GSG1L: variants seen among roughly 807,000 people sequenced by gnomAD.
GSG1L encodes germ cell-specific gene 1-like protein.
A neutral mutation model predicts 42.1 loss-of-function variants in GSG1L; 24 were observed. The observed-to-expected ratio is 0.57, with a 90% CI of 0.41 to 0.80. The LOEUF (loss-of-function observed/expected upper bound fraction) is 0.80, where lower values mean the gene tolerates loss of function less well. GSG1L is among the 30% of genes least tolerant of loss of function. The probability of loss-of-function intolerance (pLI) is 0.00; values close to 1 mark genes in which losing one functional copy is unlikely to be tolerated. For missense variants in GSG1L, 445 were observed against 472.2 expected (o/e 0.94, Z 0.53); for synonymous variants, 215 against 203.5 (o/e 1.06, Z -0.48).
chr16:28,011,612 A>C (rs1355586781), intron 1 of GSG1L, among the ~76,000 whole-genome samples: 2 of 152,128 alleles, frequency 1.3e-5, no homozygotes, highest in Non-Finnish European at 2.9e-5. Flanking sequence ...CTGATGTTTC[A>C]AGTTTGAAGT....
At chr16:28,000,771 T>C in intron 1 of GSG1L, among the ~76,000 whole-genome samples, 1 of 152,072 alleles carries the variant, frequency 6.6e-6, no homozygotes, top group Admixed American at 6.5e-5. Context: ...CCTGGATACA[T>C]CTCTCCTCTC....
At chr16:27,852,513 G>A (rs1290082539) in intron 3 of GSG1L, among the ~76,000 whole-genome samples, 2 of 152,028 alleles carry the variant, frequency 1.3e-5, no homozygotes, top group African/African-American at 4.8e-5. Flanking sequence ...TGATATAGCA[G>A]CTGAGAGTGG....
chr16:27,937,675 A>G (rs1188820858), intron 2 of GSG1L, among the ~76,000 whole-genome samples: 1 of 152,170 alleles, frequency 6.6e-6, no homozygotes, highest in Non-Finnish European at 1.5e-5. Flanking sequence ...AGTCCTTGGC[A>G]CCATCGTTGA....
At chr16:27,996,377 C>G (rs1270545489) in intron 1 of GSG1L, among the ~76,000 whole-genome samples, 1 of 152,160 alleles carries the variant, frequency 6.6e-6, no homozygotes, top group Non-Finnish European at 1.5e-5. Flanking sequence ...CAAAATTACA[C>G]AAGGTCAAGA....
chr16:27,892,397 A>G (rs1596591825), intron 2 of GSG1L, among the ~76,000 whole-genome samples: 1 of 152,178 alleles, frequency 6.6e-6, no homozygotes, highest in East Asian at 1.9e-4. Flanking sequence ...TTGCGGCTGC[A>G]ATTAGCTACG....
chr16:27,956,344 G>C (rs906784204), intron 2 of GSG1L, among the ~76,000 whole-genome samples: 2 of 152,200 alleles, frequency 1.3e-5, no homozygotes, highest in African/African-American at 4.8e-5. Flanking sequence ...TCCTGACAAT[G>C]ACCAGAGGAG....
At chr16:27,826,390 T>C (rs1261443360) in intron 5 of GSG1L, among the ~76,000 whole-genome samples, 11 of 152,174 alleles carry the variant, frequency 7.2e-5, no homozygotes, top group Non-Finnish European at 5.9e-5. Context: ...GTCCCCTTCC[T>C]CGTCCTCGTC....
At chr16:27,844,084 T>C (rs997144025) in intron 4 of GSG1L, among the ~76,000 whole-genome samples, 6 of 152,170 alleles carry the variant, frequency 3.9e-5, no homozygotes, top group Non-Finnish European at 5.9e-5. Flanking sequence ...AACAAACGTG[T>C]CCTGAAGTCC....
intron 2 of GSG1L, among the ~76,000 whole-genome samples, chr16:27,925,474 A>G (rs1179419892): frequency 6.6e-6 from 1 of 152,168 alleles, no homozygotes; most frequent in Non-Finnish European, 1.5e-5. Context: ...AAGAGTCTTG[A>G]CCCAGAATGT....
chr16:27,921,014 C>G (rs546082491), intron 2 of GSG1L, among the ~76,000 whole-genome samples: 1 of 152,150 alleles, frequency 6.6e-6, no homozygotes, highest in Non-Finnish European at 1.5e-5. Flanking sequence ...AGCCGAGGTC[C>G]CTACCCATTC....
At chr16:27,791,600 C>A (rs998603501) in intron 6 of GSG1L, 133 bp from the exon 7 acceptor site, 5 of 505,690 alleles carry the variant, frequency 9.9e-6, no homozygotes, top group Non-Finnish European at 1.6e-5. Context: ...TGCCTTTTGT[C>A]TACCGATCCA....
chr16:27,830,909 T>C (rs2083268357), intron 4 of GSG1L, among the ~76,000 whole-genome samples: 1 of 152,268 alleles, frequency 6.6e-6, no homozygotes, highest in African/African-American at 2.4e-5. Flanking sequence ...TTCTTCCTTT[T>C]GGTAACCACA....
intron 2 of GSG1L, among the ~76,000 whole-genome samples, chr16:27,914,489 A>C (rs1183515147): frequency 2.0e-5 from 3 of 151,914 alleles, no homozygotes; most frequent in African/African-American, 7.3e-5. Context: ...GAGCTGTTTT[A>C]GAAGCGTTTT....
rs565282998 is a variant in GSG1L at position 27,795,068 on chromosome 16, A to G, written c.899-3601T>C. Among the ~76,000 whole-genome samples, 44 of 152,224 alleles carry G rather than the reference A, an allele frequency of 2.9e-4. No individual in the cohort carries two copies. The Middle Eastern group carries it at 0.01, about 35-fold the overall frequency. On this transcript the variant is annotated intron_variant, in intron 6 of 6. Transcript: ENST00000447459. The stretch of plus-strand genomic sequence containing the variant: ...AGCCAGGTCAGCATGGGTCTCCCCA[A>G]TGAAACTGGGGATGGGAGACAGCTT...
chr16:27,943,357 A>C (rs1362476225), intron 2 of GSG1L, among the ~76,000 whole-genome samples: 1 of 152,084 alleles, frequency 6.6e-6, no homozygotes, highest in East Asian at 1.9e-4. Context: ...ATGAACAAAT[A>C]GAAGGTGGTG....
chr16:28,010,939 G>C (rs1168554259), intron 1 of GSG1L, among the ~76,000 whole-genome samples: 1 of 152,124 alleles, frequency 6.6e-6, no homozygotes, highest in Non-Finnish European at 1.5e-5. Flanking sequence ...GCCTTTTCTA[G>C]GGTGGTCAAG....
chr16:27,891,884 CTTTTTTTTTTT>C (rs60746199), intron 2 of GSG1L, among the ~76,000 whole-genome samples: 1 of 74,332 alleles, frequency 1.3e-5, no homozygotes, highest in South Asian at 7.7e-4. Context: ...AGTGACAGAT[CTTTTTTTTTTT>C]TTTTTTTTTT....
intron 3 of GSG1L, among the ~76,000 whole-genome samples, chr16:27,871,795 T>G (rs773447314): frequency 1.3e-5 from 2 of 152,224 alleles, no homozygotes; most frequent in African/African-American, 2.4e-5. Flanking sequence ...AGATCCTATC[T>G]TCTATAAATC....
intron 3 of GSG1L, among the ~76,000 whole-genome samples, chr16:27,872,496 C>A (rs1030401301): frequency 1.3e-5 from 2 of 152,152 alleles, no homozygotes; most frequent in African/African-American, 4.8e-5. Context: ...CAGAGTGACT[C>A]CATCTTGACG....
Sources: gnomAD v4.1 joint callset for allele counts (sites outside exome capture counted in the v4.1 genomes callset) on GRCh38, gnomAD v4.1.1 for gene constraint, MANE v1.5 for transcripts, NCBI Gene and HGNC (gene_info 2026-07-23, HGNC 2026-07-21) for gene names.